Variants in PCDHB2 observed in about 807,000 individuals in gnomAD.
PCDHB2 encodes the protein protocadherin beta-2.
For synonymous variants in PCDHB2, 395 were observed against 464.9 expected, an observed-to-expected ratio of 0.85 and a Z score of 1.93; for missense variants, 914 against 1,023.1, an observed-to-expected ratio of 0.89 and a Z score of 1.45.
Position 141,097,346 on chromosome 5 carries a change from C to T in PCDHB2, c.*159C>T. On this transcript the variant is annotated 3_prime_UTR_variant, in exon 1 of 1. Coordinates refer to ENST00000194155, the MANE Select transcript of PCDHB2 (RefSeq NM_018936.4). Reference sequence around the variant, plus strand: ...ATTTATAAATGTATGAGTTTTTTTGCGGTATAATAAATGTAAATTTTCTTT... The same window carrying T: ...ATTTATAAATGTATGAGTTTTTTTGTGGTATAATAAATGTAAATTTTCTTT... 2 of 788,048 alleles carry T rather than the reference C, an allele frequency of 2.5e-6. No individual in the cohort carries two copies. Among genetic ancestry groups the T allele is most frequent in the Non-Finnish European group, 3.8e-6 (2 of 526,554 alleles). 48.8% of individuals were successfully genotyped at this position (788,048 alleles called of 1,614,324 possible).
chr5:141,095,771 G>C lies in PCDHB2; in HGVS notation c.981G>C (p.Gly327=), dbSNP rs1751798889. 2.5e-6 allele frequency: 4 copies of C among 1,614,128 alleles called. No homozygotes were observed. The highest frequency in any genetic ancestry group is 3.3e-4 in the Middle Eastern group (2 of 6,060). The change falls in exon 1 of 1, where the codon GGG becomes GGC. Residue 327 remains glycine, a synonymous_variant. Coordinates refer to ENST00000194155, the MANE Select transcript of PCDHB2 (RefSeq NM_018936.4). ...TAAATATTCAGGCGACAGATGGTGG[G>C]GGCCTATCTGGAACTTGTGTGGTAT... ...YTVNIQATDG[G]GLSGTCVVFV... is the part of the protein sequence containing the mutation.
In PCDHB2 at chr5:141,095,614, C is replaced by A; in HGVS notation, c.824C>A (p.Thr275Asn). 1 of 1,614,182 alleles carries A rather than the reference C, an allele frequency of 6.2e-7. No individual in the cohort carries two copies. The highest frequency in any genetic ancestry group is 1.1e-5 in the South Asian group (1 of 91,080). ...TCTGCCAGGGATTTAGACATTGGAA[C>A]TAATGGAGAAATATCTTATGCATTT... ...IVSARDLDIG[T>N]NGEISYAFSQ... The change falls in exon 1 of 1, where the codon ACT (threonine) becomes AAT (asparagine). Residue 275 changes from threonine to asparagine, a missense_variant. Thr to Asn is a moderately conservative substitution (Grantham distance 65). Coordinates refer to ENST00000194155, the MANE Select transcript of PCDHB2 (RefSeq NM_018936.4).
Position 141,095,662 on chromosome 5 carries a change from G to A in PCDHB2, c.872G>A (p.Arg291His), listed in dbSNP as rs1751795614. Residue 291 changes from arginine to histidine, a missense_variant, in exon 1 of 1, where the codon CGC becomes CAC. By Grantham distance (29) the Arg-to-His change is conservative. Coordinates refer to ENST00000194155, the MANE Select transcript of PCDHB2 (RefSeq NM_018936.4). ...TTTTCCCAAGCATCTGAAGACATTC[G>A]CAAAACGTTTCGATTAAGTGCAAAA... ...YAFSQASEDI[R>H]KTFRLSAKSG... is the part of the protein sequence containing the mutation. 6.2e-7 allele frequency: 1 copy of A among 1,614,002 alleles called. No individual in the cohort carries two copies. Among genetic ancestry groups the A allele is most frequent in the Non-Finnish European group, 8.5e-7 (1 of 1,180,042 alleles).
Position 141,095,063 on chromosome 5 carries a change from A to G in PCDHB2, c.273A>G (p.Lys91=). ...CCGGGGATTTGTTGTTAAATGAGAA[A>G]TTGGACCGGGAGGAGCTGTGCGGCC... The part of the protein sequence containing the change: ...RQTGDLLLNE[K]LDREELCGPT... Residue 91 remains lysine, a synonymous_variant, in exon 1 of 1, where the codon AAA becomes AAG. Coordinates refer to ENST00000194155, the MANE Select transcript of PCDHB2 (RefSeq NM_018936.4). 6.2e-7 allele frequency: 1 copy of G among 1,614,090 alleles called. No individual in the cohort carries two copies. The highest frequency in any genetic ancestry group is 1.1e-5 in the South Asian group (1 of 91,076).
chr5:141,094,775 G>C lies in PCDHB2; in HGVS notation c.-16G>C, dbSNP rs1554271051. 1 of 1,533,710 alleles carries C rather than the reference G, an allele frequency of 6.5e-7. No individual in the cohort carries two copies. The highest frequency in any genetic ancestry group is 8.8e-7 in the Non-Finnish European group (1 of 1,141,444). On this transcript the variant is annotated 5_prime_UTR_variant, in exon 1 of 1. Coordinates refer to ENST00000194155, the MANE Select transcript of PCDHB2 (RefSeq NM_018936.4). ...GAGCCAGAGCTGGAGCACGTTTGGT[G>C]AGAGACCAGAAAGCAATGGAGGCCG...
rs782526701 is a variant in PCDHB2 at position 141,094,936 on chromosome 5, A to G, written c.146A>G (p.Asn49Ser). The G allele has an allele frequency of 1.9e-6, 3 of 1,614,156 alleles. No individual in the cohort carries two copies. The highest frequency in any genetic ancestry group is 3.3e-5 in the Admixed American group (2 of 60,022). ...ACGGAGAGTGGCTCCTTTGTGGCCA[A>G]TTTGTTAAAAGACCTGGGGCTGGAG... ...EETESGSFVA[N>S]LLKDLGLEIG... Residue 49 changes from asparagine (N) to serine (S), a missense_variant, in exon 1 of 1, where the codon AAT becomes AGT. Asn to Ser is a conservative substitution (Grantham distance 46). Coordinates refer to ENST00000194155, the MANE Select transcript of PCDHB2 (RefSeq NM_018936.4).
Position 141,095,821 on chromosome 5 carries a change from A to G in PCDHB2, c.1031A>G (p.Asp344Gly). ...TTTGTCCAAGTGATGGATTTGAATG[A>G]CAATCCTCCGGAACTAACTATGTCG... Reference protein sequence around the residue: ...VVFVQVMDLNDNPPELTMSTL... With the variant: ...VVFVQVMDLNGNPPELTMSTL... The change falls in exon 1 of 1, where the codon GAC (aspartate) becomes GGC (glycine). Residue 344 changes from aspartate to glycine, a missense_variant. By Grantham distance (94) the Asp-to-Gly change is moderately conservative. Transcript: ENST00000194155. 6.2e-7 allele frequency: 1 copy of G among 1,614,178 alleles called. No homozygotes were observed. Among genetic ancestry groups the G allele is most frequent in the Non-Finnish European group, 8.5e-7 (1 of 1,180,024 alleles).
rs782011952 is a variant in PCDHB2, at chr5:141,095,564, C to T, written c.774C>T (p.Pro258=). The change falls in exon 1 of 1, where the codon CCC becomes CCT. Residue 258 remains proline (P), a synonymous_variant. Coordinates refer to ENST00000194155, the MANE Select transcript of PCDHB2 (RefSeq NM_018936.4). ...AGGTGCAGATCCCGGAGGACAGCCC[C>T]GTTGGATCCCAGGTTGCCATCGTCT... is the stretch of plus-strand genomic sequence containing the variant. ...LYEVQIPEDS[P]VGSQVAIVSA... is the part of the protein sequence containing the mutation. The T allele has an allele frequency of 1.2e-6, 2 of 1,613,716 alleles. No homozygotes were observed. Among genetic ancestry groups the T allele is most frequent in the African/African-American group, 2.7e-5 (2 of 74,824 alleles).
chr5:141,097,118 C>T lies in PCDHB2; in HGVS notation c.2328C>T (p.Phe776=). ...TCCTGAAGCCAATTATCCCCAACTTCGTTGCTCAGGGTGCAGAGAGGGTTA... is the reference window on the plus strand; with the variant it reads ...TCCTGAAGCCAATTATCCCCAACTTTGTTGCTCAGGGTGCAGAGAGGGTTA... The part of the protein sequence containing the change: ...FKFLKPIIPN[F]VAQGAERVSE... Residue 776 remains phenylalanine, a synonymous_variant, in exon 1 of 1, where the codon TTC becomes TTT. Transcript: ENST00000194155. The T allele has an allele frequency of 1.9e-6, 3 of 1,606,286 alleles. No individual in the cohort carries two copies. Among genetic ancestry groups the T allele is most frequent in the Non-Finnish European group, 2.6e-6 (3 of 1,176,074 alleles).
chr5:141,096,076 G>C lies in PCDHB2; in HGVS notation c.1286G>C (p.Gly429Ala). ...ATCACCATCACCGTCACCGACTTCG[G>C]GACACCCAGGCTGAAAACCGAGCAC... ...YNITITVTDF[G>A]TPRLKTEHNI... Residue 429 changes from glycine (G) to alanine (A), a missense_variant, in exon 1 of 1, where the codon GGG becomes GCG. Physicochemically the swap from Gly to Ala is moderately conservative, Grantham distance 60. Transcript: ENST00000194155. 6.2e-7 allele frequency: 1 copy of C among 1,614,078 alleles called. No homozygotes were observed. The highest frequency in any genetic ancestry group is 8.5e-7 in the Non-Finnish European group (1 of 1,180,020).
chr5:141,096,410 C>G lies in PCDHB2; in HGVS notation c.1620C>G (p.Ser540=). The G allele has an allele frequency of 1.9e-6, 3 of 1,612,114 alleles. No individual in the cohort carries two copies. Among genetic ancestry groups the G allele is most frequent in the Non-Finnish European group, 2.5e-6 (3 of 1,179,680 alleles). The change falls in exon 1 of 1, where the codon TCC becomes TCG. Residue 540 remains serine, a synonymous_variant. Coordinates refer to ENST00000194155, the MANE Select transcript of PCDHB2 (RefSeq NM_018936.4). ...GCGTGGGCGCCGCAGACCGCGGCTCCCCGGCGTTGAGCAGCGAGGCGCTGG... is the reference window on the plus strand; with the variant it reads ...GCGTGGGCGCCGCAGACCGCGGCTCGCCGGCGTTGAGCAGCGAGGCGCTGG... ...EFRVGAADRG[S]PALSSEALVR...
Position 141,097,174 on chromosome 5 carries a change from T to A in PCDHB2, c.2384T>A (p.Phe795Tyr). Residue 795 changes from phenylalanine (F) to tyrosine (Y), a missense_variant, in exon 1 of 1, where the codon TTT becomes TAT. Coordinates refer to ENST00000194155, the MANE Select transcript of PCDHB2 (RefSeq NM_018936.4). ...GCAAATCCCAGTTTCAGGAAGAGCT[T>A]TGAATTCACTTAAGTGTTAATAAGG... ...SEANPSFRKS[F>Y]EFT The A allele has an allele frequency of 6.2e-7, 1 of 1,607,512 alleles. No homozygotes were observed. The highest frequency in any genetic ancestry group is 8.5e-7 in the Non-Finnish European group (1 of 1,176,378).
chr5:141,097,335 G>A lies in PCDHB2; in HGVS notation c.*148G>A, dbSNP rs1035900000. On this transcript the variant is annotated 3_prime_UTR_variant, in exon 1 of 1. Transcript: ENST00000194155. ...ATGTTACTGGTATTTATAAATGTATGAGTTTTTTTGCGGTATAATAAATGT... is the reference window on the plus strand; with the variant it reads ...ATGTTACTGGTATTTATAAATGTATAAGTTTTTTTGCGGTATAATAAATGT... The A allele has an allele frequency of 3.5e-5, 31 of 877,560 alleles. No individual in the cohort carries two copies. The highest frequency in any genetic ancestry group is 5.9e-5 in the South Asian group (2 of 34,162). The allele number at this position is 877,560 out of a possible 1,614,324, so 54.4% of individuals were successfully genotyped here. A position where few individuals can be genotyped will look rare whatever the true frequency, so the allele number is the denominator to read the frequency against.
chr5:141,097,448 A>G lies in PCDHB2; in HGVS notation c.*261A>G. 1 of 375,220 alleles carries G rather than the reference A, an allele frequency of 2.7e-6. No homozygotes were observed. Among genetic ancestry groups the G allele is most frequent in the East Asian group, 4.8e-5 (1 of 20,770 alleles). 23.2% of individuals were successfully genotyped at this position (375,220 alleles called of 1,614,324 possible). ...AAAAGTAAATTTTGTATTTTCAGAAATCTTTAAGTTAGAGCATCTTTTCCA... is the reference window on the plus strand; with the variant it reads ...AAAAGTAAATTTTGTATTTTCAGAAGTCTTTAAGTTAGAGCATCTTTTCCA... On this transcript the variant is annotated 3_prime_UTR_variant, in exon 1 of 1. Coordinates refer to ENST00000194155, the MANE Select transcript of PCDHB2 (RefSeq NM_018936.4).
chr5:141,096,257 C>G lies in PCDHB2; in HGVS notation c.1467C>G (p.Thr489=). The change falls in exon 1 of 1, where the codon ACC becomes ACG. Residue 489 remains threonine, a synonymous_variant. Transcript: ENST00000194155. ...ACTCGGGCACCAACGCCCAGGTCAC[C>G]TACTCGCTGCTGCCGCCCCAGGACC... ...DRDSGTNAQV[T]YSLLPPQDPH... 6.2e-7 allele frequency: 1 copy of G among 1,613,138 alleles called. No homozygotes were observed. Among genetic ancestry groups the G allele is most frequent in the African/African-American group, 1.3e-5 (1 of 75,052 alleles).
rs1192671979 is a variant in PCDHB2, at chr5:141,098,635, TGAAA to T, written c.*1451_*1454del. Reference sequence around the variant, plus strand: ...GCTCTTAATAAAATTTTTGAATGATTGAAAGAGAGAAAAGTATTTTACCTGTGAT... The same window carrying T: ...GCTCTTAATAAAATTTTTGAATGATTGAGAGAAAAGTATTTTACCTGTGAT... On this transcript the variant is annotated 3_prime_UTR_variant, in exon 1 of 1. Transcript: ENST00000194155. 1.3e-5 allele frequency: 2 copies of T among 152,164 alleles called. No individual in the cohort carries two copies. Among genetic ancestry groups the T allele is most frequent in the East Asian group, 3.8e-4 (2 of 5,200 alleles). 9.4% of individuals were successfully genotyped at this position (152,164 alleles called of 1,614,324 possible). A position where few individuals can be genotyped will look rare whatever the true frequency, so the allele number is the denominator to read the frequency against.
rs267600411 is a variant in PCDHB2, at chr5:141,097,050, G to A, written c.2260G>A (p.Glu754Lys). 6.2e-7 allele frequency: 1 copy of A among 1,613,732 alleles called. No individual in the cohort carries two copies. Among genetic ancestry groups the A allele is most frequent in the Non-Finnish European group, 8.5e-7 (1 of 1,179,810 alleles). ...GACCCTGTCCCAGAGCTACCAGTAC[G>A]AGGTGTGTCTGACTGGAGGCTCCGG... ...TGTLSQSYQY[E>K]VCLTGGSGTN... is the part of the protein sequence containing the mutation. Residue 754 changes from glutamate to lysine, a missense_variant, in exon 1 of 1, where the codon GAG becomes AAG. By Grantham distance (56) the Glu-to-Lys change is moderately conservative (BLOSUM62 1). Coordinates refer to ENST00000194155, the MANE Select transcript of PCDHB2 (RefSeq NM_018936.4).
At position 141,097,321 on chromosome 5, in the gene PCDHB2, AT is replaced by A. The variant is rs1751857566; in HGVS notation, c.*137del. The A allele has an allele frequency of 2.0e-6, 2 of 986,432 alleles. No individual in the cohort carries two copies. Among genetic ancestry groups the A allele is most frequent in the Admixed American group, 2.7e-5 (1 of 37,084 alleles). 61.1% of individuals were successfully genotyped at this position (986,432 alleles called of 1,614,324 possible). ...TTCCAATTCTATGCATGTTACTGGT[AT>A]TTATAAATGTATGAGTTTTTTTGCG... On this transcript the variant is annotated 3_prime_UTR_variant, in exon 1 of 1. Coordinates refer to ENST00000194155, the MANE Select transcript of PCDHB2 (RefSeq NM_018936.4).
In PCDHB2 at chr5:141,095,332, A is replaced by C. The variant is rs1554271231; in HGVS notation, c.542A>C (p.His181Pro). 6.2e-7 allele frequency: 1 copy of C among 1,613,730 alleles called. No homozygotes were observed. The highest frequency in any genetic ancestry group is 1.3e-5 in the African/African-American group (1 of 74,900). The change falls in exon 1 of 1, where the codon CAT (histidine) becomes CCT (proline). Residue 181 changes from histidine to proline, a missense_variant. Coordinates refer to ENST00000194155, the MANE Select transcript of PCDHB2 (RefSeq NM_018936.4). ...NYTISPNFHF[H>P]LNLQDSLDGI... ...ACAATCAGTCCCAATTTCCACTTTC[A>C]TCTTAATTTACAAGACAGTCTCGAT...
Sources: gnomAD v4.1 joint callset for allele counts on GRCh38, gnomAD v4.1.1 for gene constraint, MANE v1.5 for transcripts, NCBI Gene and HGNC (gene_info 2026-07-23, HGNC 2026-07-21) for gene names.